The following ANKRD55 variants were observed in gnomAD, a reference collection of about 807,000 sequenced individuals.
ANKRD55 encodes ankyrin repeat domain 55, also known as ankyrin repeat domain-containing protein 55.
ANKRD55 carries 41 observed loss-of-function variants against 60.6 expected under a neutral mutation model. That is an observed-to-expected ratio of 0.68 (90% CI 0.53 to 0.88). The LOEUF (loss-of-function observed/expected upper bound fraction) is 0.88, where lower values mean the gene tolerates loss of function less well. Ranked by LOEUF, ANKRD55 falls within the 40% of genes least tolerant of loss-of-function variation. The probability of loss-of-function intolerance (pLI) is 0.00; values close to 1 mark genes in which losing one functional copy is unlikely to be tolerated. For missense variants in ANKRD55, 732 were observed against 767.6 expected (o/e 0.95, Z 0.55); for synonymous variants, 264 against 290.3 (o/e 0.91, Z 0.92).
At chr5:56,192,344 A>G (rs897506131) in intron 2 of ANKRD55, among the ~76,000 whole-genome samples, 3 of 152,392 alleles carry the variant, frequency 2.0e-5, no homozygotes, top group East Asian at 1.9e-4. Context: ...ATGTGAAGAC[A>G]CGCAGATTAT....
At chr5:56,167,404 G>T (rs1192179710) in intron 5 of ANKRD55, among the ~76,000 whole-genome samples, 2 of 152,182 alleles carry the variant, frequency 1.3e-5, no homozygotes, top group African/African-American at 4.8e-5. Context: ...CATCTTATGG[G>T]ACCATCATTA....
chr5:56,104,714 T>C (rs1756400252), intron 10 of ANKRD55, among the ~76,000 whole-genome samples: 1 of 152,148 alleles, frequency 6.6e-6, no homozygotes, highest in Admixed American at 6.5e-5. Context: ...CAATCATCCA[T>C]TGAGCACTCA....
chr5:56,212,049 GACAC>G (rs200349739), intron 2 of ANKRD55, among the ~76,000 whole-genome samples: 6,200 of 130,138 alleles, frequency 0.048, 148 homozygotes, highest in African/African-American at 0.075. Context: ...AACTGGTAAA[GACAC>G]ACACACACAC....
At chr5:56,204,941 G>T (rs1363995601) in intron 2 of ANKRD55, among the ~76,000 whole-genome samples, 2 of 152,202 alleles carry the variant, frequency 1.3e-5, no homozygotes, top group African/African-American at 4.8e-5. Context: ...GCCAACTCTG[G>T]AAAATGAGGA....
chr5:56,130,507 T>C (rs139400505), intron 7 of ANKRD55, among the ~76,000 whole-genome samples: 58 of 152,192 alleles, frequency 3.8e-4, no homozygotes, highest in South Asian at 8.3e-4. Context: ...ACATTTCTCT[T>C]CCCCCCATAC....
chr5:56,221,249 G>T (rs948832370), intron 2 of ANKRD55, among the ~76,000 whole-genome samples: 1 of 152,148 alleles, frequency 6.6e-6, no homozygotes, highest in Non-Finnish European at 1.5e-5. Flanking sequence ...TCCTTTGTAG[G>T]CATCTGGTTG....
intron 2 of ANKRD55, chr5:56,192,653 G>C: frequency 1.0e-6 from 1 of 974,992 alleles, no homozygotes; most frequent in Non-Finnish European, 1.6e-6. Flanking sequence ...AGAAGAGGGT[G>C]ACACCCAGAC....
chr5:56,209,937 T>A (rs553272745), intron 2 of ANKRD55, among the ~76,000 whole-genome samples: 1 of 152,292 alleles, frequency 6.6e-6, no homozygotes, highest in South Asian at 2.1e-4. Flanking sequence ...TCAGTGATAG[T>A]GTGCTTTACA....
intron 5 of ANKRD55, among the ~76,000 whole-genome samples, chr5:56,167,502 T>C (rs1386913278): frequency 2.0e-5 from 3 of 152,242 alleles, no homozygotes; most frequent in African/African-American, 7.2e-5. Flanking sequence ...CTTAACCCAA[T>C]TAATCTTTGG....
chr5:56,206,612 A>G (rs177117), intron 2 of ANKRD55, among the ~76,000 whole-genome samples: 19,817 of 152,036 alleles, frequency 0.13, 2,847 homozygotes, highest in African/African-American at 0.35. Flanking sequence ...GTTGTTTCAT[A>G]GTGCATAGTT....
chr5:56,184,692 GT>G (rs573779428), intron 2 of ANKRD55, among the ~76,000 whole-genome samples: 5 of 152,052 alleles, frequency 3.3e-5, no homozygotes, highest in Non-Finnish European at 7.4e-5. Flanking sequence ...GAGCCCAGGA[GT>G]TCGAGATCAG....
chr5:56,127,361 A>G, intron 7 of ANKRD55: 1 of 985,244 alleles, frequency 1.0e-6, no homozygotes, highest in Non-Finnish European at 1.2e-6. Context: ...ATAACTAGTG[A>G]ACGAAGGATG....
intron 10 of ANKRD55, among the ~76,000 whole-genome samples, chr5:56,107,010 TAAAAA>T: frequency 2.6e-5 from 3 of 114,548 alleles, no homozygotes. Flanking sequence ...TATCTCTCTC[TAAAAA>T]AAAAAAAAAA....
In ANKRD55 at chr5:56,102,540, A is replaced by T. The variant is rs1756318728; in HGVS notation, c.1677T>A (p.Asp559Glu). Reference sequence around the variant, plus strand: ...CTAGGTTGTTCCGAGTGAAAGGAAGATCCCTGATTTTGTGTCTGTTTGGGG... The same window carrying T: ...CTAGGTTGTTCCGAGTGAAAGGAAGTTCCCTGATTTTGTGTCTGTTTGGGG... ...HLSPNRHKIR[D>E]LPFTRNNLAP... The change falls in exon 11 of 12, where the codon GAT becomes GAA. Residue 559 changes from aspartate to glutamate, a missense_variant. This residue lies in a region of ANKRD55 where 597 missense variants were observed against 607.5 expected (regional missense o/e 0.98). Transcript: ENST00000341048. 6.2e-7 allele frequency: 1 copy of T among 1,613,906 alleles called. No individual in the cohort carries two copies. Among genetic ancestry groups the T allele is most frequent in the Non-Finnish European group, 8.5e-7 (1 of 1,179,840 alleles).
intron 2 of ANKRD55, among the ~76,000 whole-genome samples, chr5:56,203,024 A>G (rs1248690871): frequency 6.6e-6 from 1 of 152,166 alleles, no homozygotes; most frequent in South Asian, 2.1e-4. Flanking sequence ...GGCCTTTAGG[A>G]TGGAGGCAAT....
At chr5:56,134,862 T>C (rs1047275028) in intron 7 of ANKRD55, among the ~76,000 whole-genome samples, 2 of 152,134 alleles carry the variant, frequency 1.3e-5, no homozygotes, top group African/African-American at 4.8e-5. Flanking sequence ...AACATATTAG[T>C]GAATAGAATC....
chr5:56,143,977 G>A (rs1238337024), intron 6 of ANKRD55, 48 bp from the exon 7 acceptor site: 9 of 1,609,714 alleles, frequency 5.6e-6, no homozygotes, highest in Non-Finnish European at 7.6e-6. Flanking sequence ...AGGCTCCCAG[G>A]AAGAAAACTG....
intron 9 of ANKRD55, chr5:56,114,080 G>C (rs1357520024): frequency 6.6e-6 from 1 of 150,860 alleles, no homozygotes; most frequent in Admixed American, 6.6e-5. Flanking sequence ...TGTAATCCCA[G>C]CACTTTGGGA....
chr5:56,220,844 C>T (rs953779365), intron 2 of ANKRD55, among the ~76,000 whole-genome samples: 2 of 152,032 alleles, frequency 1.3e-5, no homozygotes, highest in East Asian at 3.9e-4. Context: ...CAAAAAAACA[C>T]TGAAACAAAC....
Sources: allele counts gnomAD v4.1 joint callset (sites outside exome capture counted in the v4.1 genomes callset), GRCh38; gene constraint gnomAD v4.1.1; regional missense constraint gnomAD v4.1.1; transcripts MANE v1.5; gene names NCBI Gene and HGNC (gene_info 2026-07-23, HGNC 2026-07-21).